The following RERE variants were observed in gnomAD, a reference collection of about 807,000 sequenced individuals.
RERE encodes the protein arginine-glutamic acid dipeptide repeats protein.
RERE carries 40 observed loss-of-function variants against 146.1 expected under a neutral mutation model. The observed-to-expected ratio is 0.27, with a 90% CI of 0.21 to 0.36. The LOEUF is 0.36. Ranked by LOEUF, RERE falls within the 10% of genes least tolerant of loss-of-function variation. The probability of loss-of-function intolerance (pLI) is 1.00; values close to 1 mark genes in which losing one functional copy is unlikely to be tolerated. For synonymous variants in RERE, 1,003 were observed against 866.0 expected (o/e 1.16, Z -2.78); for missense variants, 1,933 against 2,138.7 (o/e 0.90, Z 1.90).
intron 1 of RERE, among the ~76,000 whole-genome samples, chr1:8,731,894 C>T (rs1640093849): frequency 6.6e-6 from 1 of 152,206 alleles, no homozygotes; most frequent in Non-Finnish European, 1.5e-5. Context: ...GCTCTGCCTC[C>T]TGGTTTCATG....
At chr1:8,601,653 C>CACACACAA (rs1163877590) in intron 4 of RERE, among the ~76,000 whole-genome samples, 1 of 146,286 alleles carries the variant, frequency 6.8e-6, no homozygotes, top group African/African-American at 2.6e-5. Flanking sequence ...CACACACACA[C>CACACACAA]ACACACACAC....
intron 3 of RERE, among the ~76,000 whole-genome samples, chr1:8,622,503 A>C (rs867573793): frequency 6.6e-5 from 9 of 136,796 alleles, no homozygotes; most frequent in Admixed American, 3.7e-4. Context: ...AAAAAAAAAA[A>C]AAAAAAAACA....
rs1454857353 is a variant in RERE at position 8,726,137 on chromosome 1, T to TTTTTC, written c.-144-69701_-144-69697dup. On this transcript the variant is annotated intron_variant, in intron 1 of 22. Transcript: ENST00000400908. ...TCAATAAGGGAATTCCAGTTTTCCT[T>TTTTTC]TTTTCTTTTCTTTTTTTTTTTTTTT... Among the ~76,000 whole-genome samples, 388 of 144,896 alleles carry TTTTTC rather than the reference T, an allele frequency of 2.7e-3. 15 individuals are homozygous for TTTTTC. The highest frequency in any genetic ancestry group is 0.01 in the African/African-American group (377 of 36,958).
At chr1:8,374,342 A>G (rs1642156915) in intron 12 of RERE, among the ~76,000 whole-genome samples, 1 of 151,804 alleles carries the variant, frequency 6.6e-6, no homozygotes, top group Non-Finnish European at 1.5e-5. Context: ...ACCTTTTTAT[A>G]ACATTTTAAA....
At chr1:8,515,640 AAACAACAACAAC>A (rs373344787) in intron 7 of RERE, among the ~76,000 whole-genome samples, 1 of 151,814 alleles carries the variant, frequency 6.6e-6, no homozygotes, top group South Asian at 2.1e-4. Context: ...AAAAACAAAC[AAACAACAACAAC>A]AACAACAACA....
intron 4 of RERE, among the ~76,000 whole-genome samples, chr1:8,562,404 C>T (rs763288665): frequency 1.6e-4 from 25 of 152,052 alleles, no homozygotes; most frequent in Non-Finnish European, 2.9e-4. Flanking sequence ...GTGAAGCTTC[C>T]TGTGTGAAAG....
chr1:8,792,318 C>CTATG (rs2124576993), intron 1 of RERE: 1 of 152,272 alleles, frequency 6.6e-6, no homozygotes, highest in South Asian at 2.1e-4. Context: ...TTGAAATACA[C>CTATG]TATGTAGTTG....
chr1:8,686,249 C>T (rs966559135), intron 1 of RERE, among the ~76,000 whole-genome samples: 2 of 152,118 alleles, frequency 1.3e-5, no homozygotes, highest in Admixed American at 6.5e-5. Flanking sequence ...TCTCACGGTG[C>T]TAGGATTACA....
rs560633413 is a variant in RERE, at chr1:8,449,040, C to T, written c.1203+16885G>A. The stretch of plus-strand genomic sequence containing the variant: ...TGGGGACAGCCCTGAGACATGAGAT[C>T]GGCCTTTACAGCCTTCTTCCCAGGC... On this transcript the variant is annotated intron_variant, in intron 11 of 22. Transcript: ENST00000400908. Among the ~76,000 whole-genome samples the T allele has an allele frequency of 5.3e-5, 8 of 152,278 alleles. No individual in the cohort carries two copies. The South Asian group carries it at 1.2e-3, about 24-fold the overall frequency.
At chr1:8,523,883 T>C (rs927495129) in intron 7 of RERE, among the ~76,000 whole-genome samples, 1 of 152,238 alleles carries the variant, frequency 6.6e-6, no homozygotes, top group African/African-American at 2.4e-5. Flanking sequence ...AGCTTCCTGT[T>C]CACATTTTTA....
chr1:8,589,894 T>C (rs1440361609), intron 4 of RERE, among the ~76,000 whole-genome samples: 2 of 152,226 alleles, frequency 1.3e-5, no homozygotes, highest in Non-Finnish European at 2.9e-5. Flanking sequence ...ATAAACTCTA[T>C]AACCTGACCC....
chr1:8,650,752 C>A (rs1423156718), intron 2 of RERE, among the ~76,000 whole-genome samples: 1 of 152,064 alleles, frequency 6.6e-6, no homozygotes, highest in African/African-American at 2.4e-5. Flanking sequence ...CAAAAATTAG[C>A]TGGGCATGGT....
chr1:8,815,937 T>G (rs927057153), intron 1 of RERE, among the ~76,000 whole-genome samples: 5 of 152,060 alleles, frequency 3.3e-5, no homozygotes, highest in African/African-American at 1.2e-4. Context: ...AAGCCAGCTT[T>G]CCACCCATCC....
Position 8,665,707 on chromosome 1 carries a change from C to T in RERE, c.-144-9266G>A, listed in dbSNP as rs1009210144. ...AGCAGGTGGAAGGGATAATGGAATG[C>T]CCCCAAAATAATAAAGCAGCCAACA... On this transcript the variant is annotated intron_variant, in intron 1 of 22. Coordinates refer to ENST00000400908, the MANE Select transcript of RERE (RefSeq NM_001042681.2). Among the ~76,000 whole-genome samples, 8 of 152,148 alleles carry T rather than the reference C, an allele frequency of 5.3e-5. No individual in the cohort carries two copies. The East Asian group carries it at 7.7e-4, about 15-fold the overall frequency.
At chr1:8,576,007 C>T (rs1646290291) in intron 4 of RERE, among the ~76,000 whole-genome samples, 1 of 152,040 alleles carries the variant, frequency 6.6e-6, no homozygotes, top group African/African-American at 2.4e-5. Context: ...TGATTAGATC[C>T]ATTCCCTACA....
At chr1:8,601,148 T>G (rs1171543095) in intron 4 of RERE, among the ~76,000 whole-genome samples, 2 of 150,554 alleles carry the variant, frequency 1.3e-5, no homozygotes, top group Non-Finnish European at 3.0e-5. Context: ...GCCTCCCAAG[T>G]TGCTGGGATT....
intron 1 of RERE, among the ~76,000 whole-genome samples, chr1:8,692,986 T>C (rs1639241349): frequency 6.6e-6 from 1 of 151,778 alleles, no homozygotes; most frequent in African/African-American, 2.4e-5. Context: ...TGACAAATAG[T>C]AGAGAAAAAT....
chr1:8,547,098 A>AAC (rs1557681477), intron 6 of RERE, among the ~76,000 whole-genome samples: 2 of 151,758 alleles, frequency 1.3e-5, no homozygotes, highest in Non-Finnish European at 2.9e-5. Flanking sequence ...AAAAAAAAAA[A>AAC]AACAAAATAT....
At position 8,614,636 on chromosome 1, in the gene RERE, G is replaced by T; in HGVS notation, c.447C>A (p.Asp149Glu). ...CCRSPTPALC[D>E]PPACSLPVAS... ...CCACCGGCAGAGAGCATGCTGGGGG[G>T]TCACACAAAGCAGGAGTTGGAGATC... Residue 149 changes from aspartate (D) to glutamate (E), a missense_variant, in exon 4 of 23, where the codon GAC (aspartate) becomes GAA (glutamate). By Grantham distance (45) the Asp-to-Glu change is conservative. Around this residue, in one of 11 missense-constraint regions of RERE, gnomAD observed 74 missense variants for 99.6 expected, o/e 0.74. Coordinates refer to ENST00000400908, the MANE Select transcript of RERE (RefSeq NM_001042681.2). 2 of 1,613,056 alleles carry T rather than the reference G, an allele frequency of 1.2e-6. No homozygotes were observed. The highest frequency in any genetic ancestry group is 8.5e-7 in the Non-Finnish European group (1 of 1,179,476).
Sources: gnomAD v4.1 joint callset for allele counts (sites outside exome capture counted in the v4.1 genomes callset) on GRCh38, gnomAD v4.1.1 for gene constraint, gnomAD v4.1.1 regional missense constraint, MANE v1.5 for transcripts, NCBI Gene and HGNC (gene_info 2026-07-23, HGNC 2026-07-21) for gene names.